MCTP1: variants seen among roughly 807,000 people sequenced by gnomAD.
The protein encoded by MCTP1 is multiple C2 and transmembrane domain-containing protein 1.
In MCTP1, 69 loss-of-function variants were observed where a neutral mutation model predicts 120.6. The observed-to-expected ratio is 0.57, with a 90% CI of 0.47 to 0.70. MCTP1 has a LOEUF of 0.70. MCTP1 is among the 30% of genes least tolerant of loss of function. MCTP1 has a pLI of 0.00. For missense variants in MCTP1, 1,203 were observed against 1,248.8 expected (o/e 0.96, Z 0.55); for synonymous variants, 529 against 493.1 (o/e 1.07, Z -0.96).
intron 19 of MCTP1, among the ~76,000 whole-genome samples, chr5:94,735,696 A>T (rs1208883962): frequency 6.6e-6 from 1 of 152,228 alleles, no homozygotes; most frequent in Non-Finnish European, 1.5e-5. Context: ...TTTTCCAGTA[A>T]TAGGAAGGTC....
chr5:95,251,141 G>C (rs944551391), intron 1 of MCTP1, among the ~76,000 whole-genome samples: 1 of 152,078 alleles, frequency 6.6e-6, no homozygotes, highest in African/African-American at 2.4e-5. Context: ...AAAGAGCATG[G>C]GCGGCTGGTG....
At chr5:94,800,151 C>G (rs887925537) in intron 17 of MCTP1, among the ~76,000 whole-genome samples, 1 of 152,188 alleles carries the variant, frequency 6.6e-6, no homozygotes, top group Non-Finnish European at 1.5e-5. Context: ...GAGAATTAAA[C>G]ACAATGCTTG....
At chr5:95,254,701 T>C (rs1757704252) in intron 1 of MCTP1, among the ~76,000 whole-genome samples, 1 of 152,180 alleles carries the variant, frequency 6.6e-6, no homozygotes. Context: ...CTACTACACA[T>C]ATTAATTGCC....
rs567989856 is a variant in MCTP1, at chr5:95,127,524, A to G, written c.721-110040T>C. 2.0e-5 allele frequency among the ~76,000 whole-genome samples: 3 copies of G among 152,126 alleles called. No homozygotes were observed. In the South Asian group the frequency reaches 6.2e-4, roughly 32 times the overall value. The stretch of plus-strand genomic sequence containing the variant: ...GGTGCAGTCTTGGGCAACTTGGAAG[A>G]GCATCTATTTGCCAAGGAGAGAGGA... On this transcript the variant is annotated intron_variant, in intron 1 of 22. Transcript: ENST00000515393.
intron 1 of MCTP1, among the ~76,000 whole-genome samples, chr5:95,244,737 T>C (rs529111684): frequency 4.6e-5 from 7 of 152,304 alleles, no homozygotes; most frequent in Admixed American, 1.3e-4. Flanking sequence ...ACTGGCTCTA[T>C]AGATTCCACC....
At chr5:95,261,900 G>T (rs1195578545) in intron 1 of MCTP1, among the ~76,000 whole-genome samples, 1 of 152,218 alleles carries the variant, frequency 6.6e-6, no homozygotes, top group Non-Finnish European at 1.5e-5. Flanking sequence ...TTCAAATGAG[G>T]CCTCCTTCAG....
At chr5:94,765,457 T>C (rs1231410204) in intron 19 of MCTP1, among the ~76,000 whole-genome samples, 1 of 152,042 alleles carries the variant, frequency 6.6e-6, no homozygotes, top group African/African-American at 2.4e-5. Flanking sequence ...CTCAGCACTT[T>C]GGGAGGGCGA....
chr5:94,960,319 A>C (rs535719277), intron 2 of MCTP1, among the ~76,000 whole-genome samples: 1 of 152,338 alleles, frequency 6.6e-6, no homozygotes, highest in East Asian at 1.9e-4. Context: ...TAAAAACCCT[A>C]GAAGAAAACC....
intron 1 of MCTP1, among the ~76,000 whole-genome samples, chr5:95,044,046 A>T (rs1842775306): frequency 6.6e-6 from 1 of 152,210 alleles, no homozygotes; most frequent in South Asian, 2.1e-4. Flanking sequence ...AATGTGGTGT[A>T]GGAGTATGGA....
chr5:95,258,537 C>T (rs1001485675), intron 1 of MCTP1, among the ~76,000 whole-genome samples: 2 of 152,048 alleles, frequency 1.3e-5, no homozygotes, highest in African/African-American at 4.8e-5. Flanking sequence ...TAAAAACTAA[C>T]GAGACCTTAA....
intron 18 of MCTP1, among the ~76,000 whole-genome samples, chr5:94,790,149 T>C (rs761345930): frequency 3.6e-4 from 55 of 152,348 alleles, no homozygotes; most frequent in Non-Finnish European, 6.5e-4. Flanking sequence ...TGAGCCACGA[T>C]AGCCACTTTC....
At chr5:95,044,539 T>C (rs1842851960) in intron 1 of MCTP1, among the ~76,000 whole-genome samples, 1 of 152,178 alleles carries the variant, frequency 6.6e-6, no homozygotes, top group Non-Finnish European at 1.5e-5. Context: ...GATGCTTCTC[T>C]CTGCTTACTT....
intron 2 of MCTP1, among the ~76,000 whole-genome samples, chr5:95,014,760 G>A (rs946569368): frequency 6.6e-6 from 1 of 152,134 alleles, no homozygotes; most frequent in Non-Finnish European, 1.5e-5. Context: ...CAGGGTCTGA[G>A]ATGACTGACT....
chr5:94,996,744 G>A (rs761469672), intron 2 of MCTP1, among the ~76,000 whole-genome samples: 1 of 152,054 alleles, frequency 6.6e-6, no homozygotes, highest in Non-Finnish European at 1.5e-5. Flanking sequence ...TGGGAGGGCC[G>A]ACTGCATGTT....
chr5:95,044,664 G>A (rs965310265), intron 1 of MCTP1, among the ~76,000 whole-genome samples: 2 of 151,792 alleles, frequency 1.3e-5, no homozygotes, highest in Non-Finnish European at 2.9e-5. Flanking sequence ...CTTTAACCCA[G>A]GCAAAGCATT....
At chr5:95,143,779 C>T (rs1760137050) in intron 1 of MCTP1, among the ~76,000 whole-genome samples, 1 of 152,128 alleles carries the variant, frequency 6.6e-6, no homozygotes, top group Non-Finnish European at 1.5e-5. Flanking sequence ...AGTGTATGTA[C>T]CATATTTTCT....
chr5:94,736,457 T>C (rs1423807287), intron 19 of MCTP1, among the ~76,000 whole-genome samples: 1 of 152,168 alleles, frequency 6.6e-6, no homozygotes, highest in African/African-American at 2.4e-5. Context: ...CACTCCAGCC[T>C]GGGTGACAGA....
intron 19 of MCTP1, among the ~76,000 whole-genome samples, chr5:94,736,077 C>G (rs562187608): frequency 7.2e-5 from 11 of 152,314 alleles, no homozygotes; most frequent in Middle Eastern, 3.4e-3. Flanking sequence ...GCTTCTTTAT[C>G]TCTAAAAGAT....
At chr5:95,144,338 T>C (rs1438389614) in intron 1 of MCTP1, among the ~76,000 whole-genome samples, 1 of 152,230 alleles carries the variant, frequency 6.6e-6, no homozygotes, top group East Asian at 1.9e-4. Flanking sequence ...ATGAATATTT[T>C]CTTCCATTCC....
Sources: gnomAD v4.1 joint callset for allele counts (sites outside exome capture counted in the v4.1 genomes callset) on GRCh38, gnomAD v4.1.1 for gene constraint, MANE v1.5 for transcripts, NCBI Gene and HGNC (gene_info 2026-07-23, HGNC 2026-07-21) for gene names.